The following FCHSD2 variants were observed in gnomAD, a reference collection of about 807,000 sequenced individuals.
The protein encoded by FCHSD2 is FCH and double SH3 domains 2, also known as F-BAR and double SH3 domains protein 2.
Under a neutral mutation model 108.1 loss-of-function variants are expected in FCHSD2, and 38 were observed. The observed-to-expected ratio is 0.35, with a 90% CI of 0.27 to 0.46. The LOEUF (loss-of-function observed/expected upper bound fraction) is 0.46, where lower values mean the gene tolerates loss of function less well. FCHSD2 is among the 20% of genes least tolerant of loss of function. The pLI, the probability that FCHSD2 is intolerant of heterozygous loss-of-function variation, is 1.00. For synonymous variants in FCHSD2, 279 were observed against 314.7 expected (o/e 0.89, Z 1.20); for missense variants, 751 against 897.8 (o/e 0.84, Z 2.09).
intron 9 of FCHSD2, among the ~76,000 whole-genome samples, chr11:72,905,313 T>C (rs1184868545): frequency 6.6e-6 from 1 of 152,224 alleles, no homozygotes; most frequent in Non-Finnish European, 1.5e-5. Flanking sequence ...TAGGTATTTA[T>C]ATTTATGGGG....
intron 3 of FCHSD2, among the ~76,000 whole-genome samples, chr11:73,038,139 T>C (rs1397716605): frequency 6.6e-6 from 1 of 150,790 alleles, no homozygotes; most frequent in Non-Finnish European, 1.5e-5. Flanking sequence ...AGGCCAGGAG[T>C]TCAAGCCAAG....
At chr11:72,987,788 G>A (rs550081261) in intron 6 of FCHSD2, among the ~76,000 whole-genome samples, 1 of 151,528 alleles carries the variant, frequency 6.6e-6, no homozygotes, top group South Asian at 2.1e-4. Context: ...TAGGATCTCT[G>A]AAAGTTTAAG....
chr11:73,051,568 T>G (rs1009332763), intron 3 of FCHSD2, among the ~76,000 whole-genome samples: 2 of 151,976 alleles, frequency 1.3e-5, no homozygotes, highest in Non-Finnish European at 2.9e-5. Flanking sequence ...TGAAAGTAAT[T>G]TCAAAGAAAT....
At chr11:73,046,676 G>A (rs1858774771) in intron 3 of FCHSD2, among the ~76,000 whole-genome samples, 1 of 152,094 alleles carries the variant, frequency 6.6e-6, no homozygotes, top group Non-Finnish European at 1.5e-5. Flanking sequence ...GCCATTTTCA[G>A]AACTGCTAAA....
chr11:73,049,574 A>C (rs1858846789), intron 3 of FCHSD2, among the ~76,000 whole-genome samples: 1 of 150,508 alleles, frequency 6.6e-6, no homozygotes, highest in Non-Finnish European at 1.5e-5. Context: ...TGGGAGATAT[A>C]CCTAATGCTA....
intron 8 of FCHSD2, among the ~76,000 whole-genome samples, chr11:72,943,960 ATTG>A (rs1345405938): frequency 6.6e-6 from 1 of 152,202 alleles, no homozygotes; most frequent in Non-Finnish European, 1.5e-5. Context: ...TTTAACTTCT[ATTG>A]CATGACATGG....
At chr11:73,081,707 A>C (rs1301844778) in intron 3 of FCHSD2, among the ~76,000 whole-genome samples, 2 of 152,028 alleles carry the variant, frequency 1.3e-5, no homozygotes, top group Non-Finnish European at 2.9e-5. Context: ...AGCGTATCAC[A>C]GACTTTCATC....
intron 8 of FCHSD2, among the ~76,000 whole-genome samples, chr11:72,942,095 G>C (rs1278340143): frequency 6.6e-6 from 1 of 152,222 alleles, no homozygotes; most frequent in African/African-American, 2.4e-5. Context: ...GGTGGGCCTA[G>C]CAGGGGGTGT....
rs191693431 is a variant in FCHSD2, at chr11:72,850,722, C to T, written c.1309-833G>A. 3.9e-3 allele frequency among the ~76,000 whole-genome samples: 598 copies of T among 151,996 alleles called. 8 individuals are homozygous for T. In the South Asian group the frequency reaches 0.04, roughly 10 times the overall value. On this transcript the variant is annotated intron_variant, in intron 13 of 19. Coordinates refer to ENST00000409418, the MANE Select transcript of FCHSD2 (RefSeq NM_014824.3). ...TATGTAAGAAATATTTATCAGTATC[C>T]TTTCACTTTTCACTGTTAAGTACTG...
At chr11:73,086,932 G>C (rs1248963943) in intron 2 of FCHSD2, among the ~76,000 whole-genome samples, 2 of 152,214 alleles carry the variant, frequency 1.3e-5, no homozygotes, top group East Asian at 3.8e-4. Flanking sequence ...AGAATATTAT[G>C]CAAGGTGAAA....
At chr11:73,126,978 C>T (rs185244449) in intron 2 of FCHSD2, among the ~76,000 whole-genome samples, 2 of 152,324 alleles carry the variant, frequency 1.3e-5, no homozygotes. Flanking sequence ...GCAGAGGTTG[C>T]AGTGAGCCGA....
At chr11:72,913,419 C>T (rs1855804147) in intron 9 of FCHSD2, among the ~76,000 whole-genome samples, 1 of 152,136 alleles carries the variant, frequency 6.6e-6, no homozygotes, top group South Asian at 2.1e-4. Flanking sequence ...CAGGCATGTG[C>T]CACCACACTT....
intron 10 of FCHSD2, among the ~76,000 whole-genome samples, chr11:72,895,877 C>G (rs1038382871): frequency 6.6e-6 from 1 of 152,156 alleles, no homozygotes; most frequent in Non-Finnish European, 1.5e-5. Flanking sequence ...TCTATCACAG[C>G]CTTTTTCACA....
chr11:72,878,351 G>A (rs1855012648), intron 12 of FCHSD2, among the ~76,000 whole-genome samples: 1 of 152,118 alleles, frequency 6.6e-6, no homozygotes, highest in Non-Finnish European at 1.5e-5. Context: ...ATGAACTCAT[G>A]ACTTAAAAAA....
At chr11:73,018,482 T>C (rs1400054397) in intron 3 of FCHSD2, among the ~76,000 whole-genome samples, 1 of 152,110 alleles carries the variant, frequency 6.6e-6, no homozygotes, top group African/African-American at 2.4e-5. Flanking sequence ...TATTTGTCTG[T>C]TTACTCTATA....
intron 3 of FCHSD2, among the ~76,000 whole-genome samples, chr11:73,075,081 T>A (rs980546833): frequency 6.6e-5 from 10 of 152,130 alleles, no homozygotes; most frequent in African/African-American, 2.2e-4. Flanking sequence ...ATCAGGAAAG[T>A]GCAAATCAAA....
chr11:72,958,530 A>G (rs1276239225), intron 8 of FCHSD2, among the ~76,000 whole-genome samples: 1 of 152,214 alleles, frequency 6.6e-6, no homozygotes, highest in Non-Finnish European at 1.5e-5. Flanking sequence ...AAAACAAAAC[A>G]AAACAAAACA....
At chr11:72,919,245 G>A (rs1855934719) in intron 9 of FCHSD2, among the ~76,000 whole-genome samples, 1 of 152,048 alleles carries the variant, frequency 6.6e-6, no homozygotes. Context: ...GGCCTCTTCT[G>A]GTACTTGGAA....
At chr11:73,124,118 G>A (rs1277018853) in intron 2 of FCHSD2, among the ~76,000 whole-genome samples, 1 of 152,146 alleles carries the variant, frequency 6.6e-6, no homozygotes, top group Non-Finnish European at 1.5e-5. Flanking sequence ...TAGGGACATG[G>A]ATGAAGCTGG....
Sources: gnomAD v4.1 joint callset for allele counts (sites outside exome capture counted in the v4.1 genomes callset) on GRCh38, gnomAD v4.1.1 for gene constraint, MANE v1.5 for transcripts, NCBI Gene and HGNC (gene_info 2026-07-23, HGNC 2026-07-21) for gene names.